Variants in SLC30A8 observed in about 807,000 individuals in gnomAD.
SLC30A8 encodes solute carrier family 30 member 8.
SLC30A8 carries 27 observed loss-of-function variants against 36.9 expected under a neutral mutation model. The observed-to-expected ratio is 0.73, with a 90% CI of 0.54 to 1.01. The LOEUF is 1.01. Ranked by LOEUF, SLC30A8 falls within the 50% of genes least tolerant of loss-of-function variation. The pLI is 0.00. For missense variants in SLC30A8, 439 were observed against 452.0 expected, an observed-to-expected ratio of 0.97 and a Z score of 0.26; for synonymous variants, 164 against 172.4, an observed-to-expected ratio of 0.95 and a Z score of 0.38.
At chr8:117,171,516 C>T (rs1823383832) in intron 7 of SLC30A8, among the ~76,000 whole-genome samples, 1 of 152,044 alleles carries the variant, frequency 6.6e-6, no homozygotes, top group Admixed American at 6.6e-5. Flanking sequence ...AAAACTTAAT[C>T]TTAATTGAGT....
intron 1 of SLC30A8, among the ~76,000 whole-genome samples, chr8:116,978,210 C>T (rs746164529): frequency 1.3e-5 from 2 of 152,026 alleles, no homozygotes; most frequent in Non-Finnish European, 2.9e-5. Flanking sequence ...AAGTCTTAGC[C>T]TGGTACCTTG....
intron 2 of SLC30A8, among the ~76,000 whole-genome samples, chr8:117,051,831 A>T (rs1443010062): frequency 1.3e-5 from 2 of 151,864 alleles, no homozygotes; most frequent in African/African-American, 4.8e-5. Flanking sequence ...AAAAAATAAA[A>T]AAAATAAAAA....
chr8:117,057,953 G>T (rs1199717176), intron 2 of SLC30A8, among the ~76,000 whole-genome samples: 1 of 152,048 alleles, frequency 6.6e-6, no homozygotes, highest in Non-Finnish European at 1.5e-5. Flanking sequence ...TTAATTTTTT[G>T]AGGAAATTCC....
chr8:117,159,251 C>A (rs374419173), intron 4 of SLC30A8, among the ~76,000 whole-genome samples: 32 of 152,184 alleles, frequency 2.1e-4, no homozygotes, highest in African/African-American at 7.2e-4. Context: ...GGAAACTCAG[C>A]CTATTTATCA....
Position 116,979,489 on chromosome 8 carries a change from G to A in SLC30A8, c.-266+28370G>A, listed in dbSNP as rs1225428512. On this transcript the variant is annotated intron_variant, in intron 1 of 10. Coordinates refer to the SLC30A8 transcript ENST00000427715. ...CAAGGTTAGATAGGACCGGAGATTA[G>A]TGGTCCTCTGATGAGACTTTAACGA... Among the ~76,000 whole-genome samples the A allele has an allele frequency of 2.0e-5, 3 of 152,294 alleles. No homozygotes were observed. In the East Asian group the frequency reaches 5.8e-4, roughly 29 times the overall value.
chr8:117,102,666 C>T (rs1016228669), intron 2 of SLC30A8, among the ~76,000 whole-genome samples: 9 of 152,152 alleles, frequency 5.9e-5, no homozygotes, highest in Non-Finnish European at 1.2e-4. Context: ...CAATCTTTGG[C>T]ATTCCTTTGG....
chr8:116,951,892 G>A (rs1814005172), intron 1 of SLC30A8, among the ~76,000 whole-genome samples: 1 of 151,892 alleles, frequency 6.6e-6, no homozygotes, highest in Non-Finnish European at 1.5e-5. Context: ...CATGTTGCTT[G>A]TAGTCTAGAT....
chr8:116,973,916 C>G (rs1372018297), intron 1 of SLC30A8, among the ~76,000 whole-genome samples: 1 of 152,122 alleles, frequency 6.6e-6, no homozygotes, highest in East Asian at 1.9e-4. Context: ...TTTGACAAAC[C>G]TGACAAAAAC....
At chr8:116,986,299 A>G (rs958838668) in intron 1 of SLC30A8, among the ~76,000 whole-genome samples, 4 of 152,100 alleles carry the variant, frequency 2.6e-5, no homozygotes, top group Non-Finnish European at 5.9e-5. Flanking sequence ...CATTGTGTTC[A>G]TTGACCGGTC....
upstream of SLC30A8, among the ~76,000 whole-genome samples, chr8:117,133,376 C>T (rs1238651737): frequency 6.6e-6 from 1 of 151,948 alleles, no homozygotes; most frequent in Non-Finnish European, 1.5e-5. Flanking sequence ...CCTTCACACT[C>T]ATTATAAATT....
intron 2 of SLC30A8, among the ~76,000 whole-genome samples, chr8:117,093,389 CTTAATAAGAATGGGTA>C (rs1819219122): frequency 6.6e-6 from 1 of 151,614 alleles, no homozygotes; most frequent in African/African-American, 2.4e-5. Flanking sequence ...CCAAATAAGA[CTTAATAAGAATGGGTA>C]CACATTCACC....
At chr8:117,121,936 A>G (rs1178334396) in intron 2 of SLC30A8, among the ~76,000 whole-genome samples, 4 of 151,986 alleles carry the variant, frequency 2.6e-5, no homozygotes, top group Non-Finnish European at 4.4e-5. Flanking sequence ...ATAGTTAACA[A>G]TACTATACAC....
intron 1 of SLC30A8, among the ~76,000 whole-genome samples, chr8:116,960,955 G>A (rs1217625266): frequency 1.3e-5 from 2 of 151,850 alleles, no homozygotes; most frequent in South Asian, 2.1e-4. Flanking sequence ...TAAGCAATGA[G>A]TATCCTTAAG....
intron 2 of SLC30A8, among the ~76,000 whole-genome samples, chr8:117,105,604 TAGTC>T (rs1324941735): frequency 6.6e-6 from 1 of 152,140 alleles, no homozygotes; most frequent in Non-Finnish European, 1.5e-5. Flanking sequence ...CCTGGAAGCT[TAGTC>T]AGGATTTCTA....
At chr8:117,037,162 G>A (rs1405733055) in intron 1 of SLC30A8, among the ~76,000 whole-genome samples, 2 of 152,052 alleles carry the variant, frequency 1.3e-5, no homozygotes, top group African/African-American at 4.8e-5. Flanking sequence ...GCAGGAATCT[G>A]TTTAGCTGCC....
At chr8:117,079,390 T>A (rs1249217883) in intron 2 of SLC30A8, among the ~76,000 whole-genome samples, 1 of 152,172 alleles carries the variant, frequency 6.6e-6, no homozygotes, top group Non-Finnish European at 1.5e-5. Context: ...TCTTCCACCA[T>A]AAAAGGATCT....
chr8:117,016,242 G>A (rs758982521), intron 1 of SLC30A8, among the ~76,000 whole-genome samples: 6 of 152,160 alleles, frequency 3.9e-5, no homozygotes, highest in Admixed American at 6.6e-5. Context: ...TTAACCTTGC[G>A]CACAGAAAAT....
chr8:117,127,181 C>T (rs1346515270), intron 2 of SLC30A8, among the ~76,000 whole-genome samples: 7 of 151,938 alleles, frequency 4.6e-5, no homozygotes, highest in Non-Finnish European at 8.8e-5. Flanking sequence ...CTAATTGGTA[C>T]GCGTTCCAAA....
At chr8:116,978,547 AGGT>A (rs747684204) in intron 1 of SLC30A8, among the ~76,000 whole-genome samples, 1 of 152,326 alleles carries the variant, frequency 6.6e-6, no homozygotes, top group East Asian at 1.9e-4. Flanking sequence ...TAAGTCTGAC[AGGT>A]GGTGATTATT....
Sources: gnomAD v4.1 joint callset for allele counts (sites outside exome capture counted in the v4.1 genomes callset) on GRCh38, gnomAD v4.1.1 for gene constraint, MANE v1.5 for transcripts, NCBI Gene and HGNC (gene_info 2026-07-23, HGNC 2026-07-21) for gene names.